GALNTL6: variants seen among roughly 807,000 people sequenced by gnomAD.
GALNTL6 encodes polypeptide N-acetylgalactosaminyltransferase-like 6.
In GALNTL6, 46 loss-of-function variants were observed where a neutral mutation model predicts 73.7. That is an observed-to-expected ratio of 0.62 (90% CI 0.49 to 0.80). The LOEUF is 0.80. Ranked by LOEUF, GALNTL6 falls within the 30% of genes least tolerant of loss-of-function variation. GALNTL6 has a pLI of 0.00. For synonymous variants in GALNTL6, 259 were observed against 263.7 expected (o/e 0.98, Z 0.17); for missense variants, 604 against 755.0 (o/e 0.80, Z 2.34).
chr4:172,017,423 C>G (rs1388924019), intron 2 of GALNTL6, among the ~76,000 whole-genome samples: 1 of 152,046 alleles, frequency 6.6e-6, no homozygotes, highest in African/African-American at 2.4e-5. Flanking sequence ...CTATACTCAC[C>G]CTGGATTTTT....
At chr4:172,647,898 T>C (rs1740308144) in intron 5 of GALNTL6, among the ~76,000 whole-genome samples, 1 of 152,160 alleles carries the variant, frequency 6.6e-6, no homozygotes, top group Non-Finnish European at 1.5e-5. Context: ...TTAAATTTAT[T>C]AACTGTTTCT....
At chr4:172,216,424 G>C (rs1409264148) in intron 2 of GALNTL6, among the ~76,000 whole-genome samples, 1 of 150,898 alleles carries the variant, frequency 6.6e-6, no homozygotes, top group African/African-American at 2.4e-5. Flanking sequence ...TATTACTCCT[G>C]TTTATCTACT....
At chr4:172,717,733 G>C (rs1233603261) in intron 5 of GALNTL6, among the ~76,000 whole-genome samples, 1 of 152,132 alleles carries the variant, frequency 6.6e-6, no homozygotes, top group African/African-American at 2.4e-5. Context: ...ATGCCATAAA[G>C]TGACTTACTA....
chr4:172,337,095 T>C (rs938886067), intron 4 of GALNTL6, among the ~76,000 whole-genome samples: 2 of 152,186 alleles, frequency 1.3e-5, no homozygotes, highest in African/African-American at 4.8e-5. Context: ...TGACCCCTGC[T>C]CTTTTTTGTT....
At chr4:171,890,399 T>C (rs867330059) in intron 2 of GALNTL6, among the ~76,000 whole-genome samples, 15 of 152,158 alleles carry the variant, frequency 9.9e-5, no homozygotes, top group South Asian at 2.1e-4. Context: ...ATTATCAATA[T>C]GGACACTATA....
intron 7 of GALNTL6, among the ~76,000 whole-genome samples, chr4:172,879,590 G>A (rs935009524): frequency 7.2e-5 from 11 of 151,812 alleles, no homozygotes; most frequent in Admixed American, 2.0e-4. Flanking sequence ...ATAAGAACAT[G>A]ATGTATTCTT....
chr4:172,569,614 C>T (rs1282420923), intron 5 of GALNTL6, among the ~76,000 whole-genome samples: 2 of 152,028 alleles, frequency 1.3e-5, no homozygotes, highest in Non-Finnish European at 2.9e-5. Context: ...TTCTAGGCCT[C>T]AATTACTTTT....
At chr4:172,017,506 G>A (rs1465758446) in intron 2 of GALNTL6, among the ~76,000 whole-genome samples, 3 of 152,070 alleles carry the variant, frequency 2.0e-5, no homozygotes, top group Non-Finnish European at 4.4e-5. Flanking sequence ...CTGCAGTACA[G>A]TGCCAGGGGA....
chr4:172,286,681 C>T (rs182762869), intron 3 of GALNTL6, among the ~76,000 whole-genome samples: 24 of 152,038 alleles, frequency 1.6e-4, no homozygotes, highest in Admixed American at 1.3e-3. Context: ...GCATACAGGA[C>T]GGAGGAAGGC....
intron 2 of GALNTL6, among the ~76,000 whole-genome samples, chr4:171,999,391 G>A (rs1560878581): frequency 6.6e-6 from 1 of 152,156 alleles, no homozygotes; most frequent in Non-Finnish European, 1.5e-5. Flanking sequence ...GTAAATGTGT[G>A]CTATTTCCGG....
chr4:172,851,677 A>G (rs1195119745), intron 7 of GALNTL6, among the ~76,000 whole-genome samples: 1 of 152,172 alleles, frequency 6.6e-6, no homozygotes, highest in African/African-American at 2.4e-5. Context: ...GAAGTTGGGC[A>G]ATGACTTCAT....
At chr4:172,376,462 A>G (rs1743033936) in intron 5 of GALNTL6, among the ~76,000 whole-genome samples, 1 of 152,142 alleles carries the variant, frequency 6.6e-6, no homozygotes, top group South Asian at 2.1e-4. Flanking sequence ...GCCCAGGAAA[A>G]CAGGAAAAGT....
chr4:171,919,982 C>G (rs1268976554), intron 2 of GALNTL6, among the ~76,000 whole-genome samples: 1 of 152,074 alleles, frequency 6.6e-6, no homozygotes, highest in African/African-American at 2.4e-5. Context: ...GCACTATTCA[C>G]AATAGCAAAG....
Position 172,763,692 on chromosome 4 carries a change from G to A in GALNTL6, c.554-45669G>A, listed in dbSNP as rs115816121. Reference sequence around the variant, plus strand: ...ATTTGACAGATGCCTTTAATGAGAAGGGTGATCTCACCAGACTCCTAGAAT... The same window carrying A: ...ATTTGACAGATGCCTTTAATGAGAAAGGTGATCTCACCAGACTCCTAGAAT... On this transcript the variant is annotated intron_variant, in intron 5 of 12. Coordinates refer to ENST00000506823, the MANE Select transcript of GALNTL6 (RefSeq NM_001034845.3). Among the ~76,000 whole-genome samples the A allele has an allele frequency of 5.5e-3, 845 of 152,280 alleles. 5 individuals are homozygous for A. Among genetic ancestry groups the A allele is most frequent in the African/African-American group, 0.019 (810 of 41,554 alleles).
chr4:172,839,168 G>A (rs1380256348), intron 7 of GALNTL6, among the ~76,000 whole-genome samples: 1 of 152,210 alleles, frequency 6.6e-6, no homozygotes, highest in African/African-American at 2.4e-5. Context: ...CACCCTTTGG[G>A]AGGGGCCCCA....
At chr4:172,225,193 G>T (rs1202332626) in intron 2 of GALNTL6, among the ~76,000 whole-genome samples, 1 of 151,900 alleles carries the variant, frequency 6.6e-6, no homozygotes, top group Non-Finnish European at 1.5e-5. Flanking sequence ...GACGCAAATG[G>T]GTCTGGGCGC....
intron 12 of GALNTL6, among the ~76,000 whole-genome samples, chr4:173,022,118 G>GGAAAAGAGAGAGA (rs1753034484): frequency 7.1e-6 from 1 of 140,260 alleles, no homozygotes; most frequent in Non-Finnish European, 1.6e-5. Context: ...AAAGAAGGAA[G>GGAAAAGAGAGAGA]GAAGGAAGGA....
chr4:172,733,861 G>T (rs1736298432), intron 5 of GALNTL6, among the ~76,000 whole-genome samples: 1 of 152,252 alleles, frequency 6.6e-6, no homozygotes, highest in African/African-American at 2.4e-5. Flanking sequence ...CCAGGAGTGG[G>T]GTACTCCTAT....
chr4:172,095,525 G>A (rs1052703892), intron 2 of GALNTL6, among the ~76,000 whole-genome samples: 3 of 152,156 alleles, frequency 2.0e-5, no homozygotes, highest in Non-Finnish European at 4.4e-5. Context: ...ATATATTTGC[G>A]TGTGTGTTTG....
Sources: gnomAD v4.1 joint callset for allele counts (sites outside exome capture counted in the v4.1 genomes callset) on GRCh38, gnomAD v4.1.1 for gene constraint, MANE v1.5 for transcripts, NCBI Gene and HGNC (gene_info 2026-07-23, HGNC 2026-07-21) for gene names.